Variants in NBAS observed in about 807,000 individuals in gnomAD.
NBAS encodes NBAS subunit of NRZ tethering complex, also known as NAG/BC035112 fusion.
A neutral mutation model predicts 302.5 loss-of-function variants in NBAS; 219 were observed. That is an observed-to-expected ratio of 0.72 (90% CI 0.65 to 0.81). The LOEUF (loss-of-function observed/expected upper bound fraction) is 0.81, where lower values mean the gene tolerates loss of function less well. Ranked by LOEUF, NBAS falls within the 30% of genes least tolerant of loss-of-function variation. NBAS has a pLI of 0.00. For missense variants in NBAS, 2,932 were observed against 2,841.6 expected (o/e 1.03, Z -0.72); for synonymous variants, 1,118 against 1,021.6 (o/e 1.09, Z -1.80).
intron 44 of NBAS, among the ~76,000 whole-genome samples, chr2:15,257,314 G>A (rs376625476): frequency 6.6e-6 from 1 of 151,526 alleles, no homozygotes; most frequent in South Asian, 2.1e-4. Context: ...GGGTTTTCTA[G>A]TTTGTGTGTG....
At chr2:15,243,126 A>G (rs1353694947) in intron 44 of NBAS, among the ~76,000 whole-genome samples, 2 of 152,186 alleles carry the variant, frequency 1.3e-5, no homozygotes, top group Admixed American at 6.5e-5. Flanking sequence ...CATAAAGAGC[A>G]CTGCAACGGT....
intron 6 of NBAS, among the ~76,000 whole-genome samples, chr2:15,546,449 T>G (rs576878562): frequency 6.6e-6 from 1 of 152,028 alleles, no homozygotes; most frequent in East Asian, 1.9e-4. Flanking sequence ...GGTGTTTCAG[T>G]CGGGCATGGT....
chr2:15,168,708 CA>C (rs1664149497), intron 51 of NBAS, among the ~76,000 whole-genome samples: 2 of 152,330 alleles, frequency 1.3e-5, no homozygotes, highest in South Asian at 4.1e-4. Context: ...CGGCTCACTG[CA>C]ACCTCCTCCT....
chr2:14,831,704 C>T, the NBAS span, among the ~76,000 whole-genome samples: 1 of 152,146 alleles, frequency 6.6e-6, no homozygotes, highest in African/African-American at 2.4e-5. Context: ...AGCCCTAGCT[C>T]TACTACCCGC....
intron 38 of NBAS, among the ~76,000 whole-genome samples, chr2:15,311,440 T>A (rs960669454): frequency 1.3e-5 from 2 of 152,106 alleles, no homozygotes; most frequent in African/African-American, 4.8e-5. Flanking sequence ...GTAAGCAAAT[T>A]CTTTTCTTCA....
intron 44 of NBAS, among the ~76,000 whole-genome samples, chr2:15,239,752 TTTCC>T (rs1241392742): frequency 6.6e-6 from 1 of 152,052 alleles, no homozygotes; most frequent in Non-Finnish European, 1.5e-5. Context: ...TTTTTTTTTC[TTTCC>T]TTCTTTCCAA....
chr2:15,360,418 A>C (rs559840317), intron 32 of NBAS, among the ~76,000 whole-genome samples: 2 of 151,026 alleles, frequency 1.3e-5, no homozygotes, highest in Admixed American at 1.3e-4. Flanking sequence ...TACATAACTC[A>C]CTGTAACCTC....
intron 11 of NBAS, among the ~76,000 whole-genome samples, chr2:15,502,475 G>A (rs894791657): frequency 6.6e-5 from 10 of 152,162 alleles, no homozygotes; most frequent in Non-Finnish European, 1.3e-4. Flanking sequence ...AGCCTACTAC[G>A]CACCTAGGCT....
At chr2:15,308,658 T>C (rs1222132235) in intron 39 of NBAS, among the ~76,000 whole-genome samples, 1 of 152,182 alleles carries the variant, frequency 6.6e-6, no homozygotes, top group Non-Finnish European at 1.5e-5. Context: ...TATTTCCTTC[T>C]CCTGCCTAAT....
At chr2:15,186,993 T>C (rs910885396) in intron 49 of NBAS, 113 bp from the exon 50 acceptor site, 4 of 1,447,626 alleles carry the variant, frequency 2.8e-6, no homozygotes, top group African/African-American at 2.8e-5. Context: ...AGAATCTAGG[T>C]GACGTGCTGC....
intron 30 of NBAS, among the ~76,000 whole-genome samples, chr2:15,376,418 A>ACAAT (rs1674741055): frequency 6.6e-6 from 1 of 152,212 alleles, no homozygotes; most frequent in Admixed American, 6.5e-5. Flanking sequence ...GAGGTGAAAT[A>ACAAT]CAATTCCCAG....
intron 39 of NBAS, 93 bp downstream of exon 39, chr2:15,309,078 T>C: frequency 2.7e-6 from 2 of 742,690 alleles, no homozygotes; most frequent in Non-Finnish European, 4.3e-6. Context: ...CAGGAGGAAA[T>C]GGCATGCAAT....
chr2:15,052,238 A>G, the NBAS span, among the ~76,000 whole-genome samples: 1 of 152,228 alleles, frequency 6.6e-6, no homozygotes, highest in Non-Finnish European at 1.5e-5. Flanking sequence ...TCCCAACAGC[A>G]GCTCTCTTTT....
chr2:15,056,822 CTTTT>C, the NBAS span, among the ~76,000 whole-genome samples: 3 of 138,296 alleles, frequency 2.2e-5, no homozygotes, highest in African/African-American at 8.4e-5. Context: ...TTTCCCTTTT[CTTTT>C]TTTTTTCTTT....
intron 9 of NBAS, among the ~76,000 whole-genome samples, chr2:15,516,040 C>A (rs151194016): frequency 1.3e-5 from 2 of 152,082 alleles, no homozygotes; most frequent in African/African-American, 2.4e-5. Flanking sequence ...CTGTTTAAAA[C>A]GGACAAAACA....
chr2:14,931,707 AG>A, the NBAS span, among the ~76,000 whole-genome samples: 1 of 152,166 alleles, frequency 6.6e-6, no homozygotes, highest in Admixed American at 6.5e-5. Flanking sequence ...CAGTGGCTTC[AG>A]TTTGGCCACA....
chr2:15,238,366 G>T, intron 45 of NBAS, 102 bp downstream of exon 45: 1 of 1,179,120 alleles, frequency 8.5e-7, no homozygotes, highest in Non-Finnish European at 1.2e-6. Context: ...AAGGATATCT[G>T]CAAGCCTGAA....
chr2:15,439,655 C>T (rs1310907182), intron 21 of NBAS, among the ~76,000 whole-genome samples: 1 of 152,066 alleles, frequency 6.6e-6, no homozygotes, highest in African/African-American at 2.4e-5. Context: ...ACAGTGGGCG[C>T]AGGTCAGTGG....
chr2:14,864,146 G>A, the NBAS span, among the ~76,000 whole-genome samples: 9 of 151,672 alleles, frequency 5.9e-5, no homozygotes, highest in East Asian at 3.9e-4. Context: ...GTGAAACCCC[G>A]TCTCTATTAA....
Sources: allele counts gnomAD v4.1 joint callset (sites outside exome capture counted in the v4.1 genomes callset), GRCh38; gene constraint gnomAD v4.1.1; transcripts MANE v1.5; gene names NCBI Gene and HGNC (gene_info 2026-07-23, HGNC 2026-07-21).